The following CTBP2 variants were observed in gnomAD, a reference collection of about 807,000 sequenced individuals.
CTBP2 encodes the protein C-terminal-binding protein 2.
In CTBP2, 30 loss-of-function variants were observed where a neutral mutation model predicts 80.3. The observed-to-expected ratio is 0.37, with a 90% CI of 0.28 to 0.51. The LOEUF is 0.51. Ranked by LOEUF, CTBP2 falls within the 20% of genes least tolerant of loss-of-function variation. The pLI is 0.93. For missense variants in CTBP2, 1,212 were observed against 1,375.3 expected, an observed-to-expected ratio of 0.88 and a Z score of 1.88; for synonymous variants, 594 against 587.4, an observed-to-expected ratio of 1.01 and a Z score of -0.16.
chr10:125,129,933 G>T (rs1430407884), intron 1 of CTBP2, among the ~76,000 whole-genome samples: 1 of 152,170 alleles, frequency 6.6e-6, no homozygotes, highest in East Asian at 1.9e-4. Flanking sequence ...CACCGAAAAG[G>T]GCCCTCTGGG....
Position 124,984,677 on chromosome 10 carries a change from T to G in CTBP2, c.*4841A>C. The G allele has an allele frequency of 5.4e-5, 68 of 1,264,576 alleles. No individual in the cohort carries two copies. The highest frequency in any genetic ancestry group is 7.0e-5 in the Non-Finnish European group (64 of 911,568). The allele number at this position is 1,264,576 out of a possible 1,614,324, so 78.3% of individuals were successfully genotyped here. A position where few individuals can be genotyped will look rare whatever the true frequency, so the allele number is the denominator to read the frequency against. ...AAAGTTGATTGCTTTGGCCTTTTCATGAGTTAGCATACCAGCTGTAGGTTT... is the reference window on the plus strand; with the variant it reads ...AAAGTTGATTGCTTTGGCCTTTTCAGGAGTTAGCATACCAGCTGTAGGTTT... On this transcript the variant is annotated 3_prime_UTR_variant, in exon 9 of 9. Transcript: ENST00000309035.
At chr10:124,998,304 C>CG in intron 3 of CTBP2, 134 bp from the exon 6 acceptor site, 1 of 994,728 alleles carries the variant, frequency 1.0e-6, no homozygotes, top group Non-Finnish European at 1.5e-6. Context: ...CTAGCAGACG[C>CG]GGGGCTGGGC....
upstream of CTBP2, chr10:125,032,692 T>C (rs35060373): frequency 0.099 from 15,297 of 154,798 alleles, 847 homozygotes; most frequent in Middle Eastern, 0.2. Flanking sequence ...CTTTTCATTT[T>C]GTTTGACACC....
At chr10:125,099,808 C>T (rs894803706) in intron 2 of CTBP2, among the ~76,000 whole-genome samples, 5 of 152,170 alleles carry the variant, frequency 3.3e-5, no homozygotes, top group Non-Finnish European at 7.4e-5. Context: ...CAGGCTAGGA[C>T]GGAGTAGGGA....
rs530564610 is a variant in CTBP2, at chr10:124,997,800, G to A, written c.2185+164C>T. 2.5e-4 allele frequency: 166 copies of A among 664,976 alleles called. 1 individual carries two copies. Among genetic ancestry groups the A allele is most frequent in the Non-Finnish European group, 3.9e-4 (154 of 396,336 alleles). The allele number at this position is 664,976 out of a possible 1,614,324, so 41.2% of individuals were successfully genotyped here. A position where few individuals can be genotyped will look rare whatever the true frequency, so the allele number is the denominator to read the frequency against. On this transcript the variant is annotated intron_variant, in intron 4 of 8. Transcript: ENST00000309035. ...CTGCCTCTAGGGTGAGTTGCCTGAT[G>A]GGTCTTGACTCCGATCTCCTACCCC...
chr10:125,014,139 C>T (rs1379483514), intron 1 of CTBP2, among the ~76,000 whole-genome samples: 1 of 152,190 alleles, frequency 6.6e-6, no homozygotes, highest in African/African-American at 2.4e-5. Flanking sequence ...ACCGAGACGC[C>T]ACAGGATAGT....
At chr10:125,050,454 C>T (rs914925280) in intron 2 of CTBP2, among the ~76,000 whole-genome samples, 4 of 152,212 alleles carry the variant, frequency 2.6e-5, no homozygotes, top group Admixed American at 6.5e-5. Context: ...TGGAAGACGG[C>T]TACGTAACGG....
At chr10:124,993,359 C>A (rs1008740824) in intron 6 of CTBP2, 30 bp from the exon 9 acceptor site, 2 of 1,594,038 alleles carry the variant, frequency 1.3e-6, no homozygotes, top group African/African-American at 1.3e-5. Flanking sequence ...ACAGAGTAAG[C>A]GGGAAATGTC....
intron 1 of CTBP2, among the ~76,000 whole-genome samples, chr10:125,143,632 A>G (rs775025956): frequency 6.6e-5 from 10 of 151,470 alleles, no homozygotes; most frequent in Non-Finnish European, 1.3e-4. Context: ...CCAGTAATGC[A>G]TAACTGCTTA....
chr10:124,990,465 G>A (rs181909857), intron 8 of CTBP2, among the ~76,000 whole-genome samples: 15 of 152,182 alleles, frequency 9.9e-5, no homozygotes, highest in East Asian at 7.7e-4. Context: ...ATCCAAACAC[G>A]GGGCCACTAA....
intron 3 of CTBP2, among the ~76,000 whole-genome samples, chr10:125,034,972 G>A (rs1031934359): frequency 8.5e-5 from 13 of 152,242 alleles, no homozygotes; most frequent in African/African-American, 2.2e-4. Flanking sequence ...CCCTGGAGGC[G>A]CCTGTCTTTG....
chr10:125,124,165 AG>A (rs1302198438), intron 1 of CTBP2, among the ~76,000 whole-genome samples: 2 of 152,266 alleles, frequency 1.3e-5, no homozygotes, highest in East Asian at 3.9e-4. Flanking sequence ...GGAGACCCAG[AG>A]CTACGCCCCT....
At chr10:125,063,119 C>G (rs935540789) in intron 2 of CTBP2, among the ~76,000 whole-genome samples, 1 of 152,174 alleles carries the variant, frequency 6.6e-6, no homozygotes, top group Admixed American at 6.5e-5. Flanking sequence ...GGACCTCAGC[C>G]GCAACTGTGT....
chr10:125,159,109 G>A (rs1430143665), intron 1 of CTBP2, among the ~76,000 whole-genome samples: 2 of 150,524 alleles, frequency 1.3e-5, no homozygotes, highest in African/African-American at 4.9e-5. Context: ...GCAGCGCGAG[G>A]GAGAGAAAGA....
Position 125,026,456 on chromosome 10 carries a change from G to T in CTBP2, c.1304C>A (p.Ser435Tyr), listed in dbSNP as rs779969940. ...GGTGGGAGAGCTGTACCCGGAGTTG[G>T]AGGGGAAGTGTGGGGCATGGGTGCC... The change falls in exon 1 of 9, where the codon TCC (serine) becomes TAC (tyrosine). Residue 435 changes from serine (S) to tyrosine (Y), a missense_variant. This residue lies in a region of CTBP2 where 848 missense variants were observed against 782.3 expected (regional missense o/e 1.08). Transcript: ENST00000309035. 6.2e-7 allele frequency: 1 copy of T among 1,600,372 alleles called. No individual in the cohort carries two copies. The highest frequency in any genetic ancestry group is 8.5e-7 in the Non-Finnish European group (1 of 1,170,602).
intron 1 of CTBP2, among the ~76,000 whole-genome samples, chr10:125,126,904 C>T (rs972272177): frequency 6.7e-6 from 1 of 149,602 alleles, no homozygotes; most frequent in South Asian, 2.1e-4. Context: ...CTGCACCACA[C>T]ACGTGCATAC....
intron 2 of CTBP2, among the ~76,000 whole-genome samples, chr10:125,050,929 G>A (rs1396056520): frequency 6.6e-6 from 1 of 152,184 alleles, no homozygotes; most frequent in Non-Finnish European, 1.5e-5. Context: ...AAAGTCCTCT[G>A]GAGAGGGAGA....
chr10:125,119,295 A>G (rs1015917008), intron 1 of CTBP2, among the ~76,000 whole-genome samples: 1 of 152,238 alleles, frequency 6.6e-6, no homozygotes, highest in African/African-American at 2.4e-5. Flanking sequence ...CTGAGGAGTC[A>G]GCGAGGGTGT....
At chr10:125,074,566 A>G (rs1846002290) in intron 2 of CTBP2, among the ~76,000 whole-genome samples, 1 of 152,128 alleles carries the variant, frequency 6.6e-6, no homozygotes, top group Non-Finnish European at 1.5e-5. Flanking sequence ...GGCTGGTCTC[A>G]AACTCCTGAC....
Sources: allele counts gnomAD v4.1 joint callset (sites outside exome capture counted in the v4.1 genomes callset), GRCh38; gene constraint gnomAD v4.1.1; regional missense constraint gnomAD v4.1.1; transcripts MANE v1.5; gene names NCBI Gene and HGNC (gene_info 2026-07-23, HGNC 2026-07-21).